The following RETSAT variants were observed in gnomAD, a reference collection of about 807,000 sequenced individuals.
RETSAT encodes retinol saturase.
In RETSAT, 35 loss-of-function variants were observed where a neutral mutation model predicts 61.6. That is an observed-to-expected ratio of 0.57 (90% confidence interval 0.43 to 0.75). The LOEUF (loss-of-function observed/expected upper bound fraction) is 0.75. RETSAT is among the 30% of genes least tolerant of loss of function. RETSAT has a pLI of 0.00. For missense variants in RETSAT, 670 were observed against 759.5 expected (o/e 0.88, Z 1.38); for synonymous variants, 277 against 310.4 (o/e 0.89, Z 1.13).
At position 85,343,147 on chromosome 2, in the gene RETSAT, T is replaced by C. The variant is rs1483475178; in HGVS notation, c.*95A>G. On this transcript the variant is annotated 3_prime_UTR_variant, in exon 11 of 11. Coordinates refer to ENST00000295802, the MANE Select transcript of RETSAT (RefSeq NM_017750.4). ...ATCAGAACCAAATTAGAGTGCTTTATACGTGCAAGGAACTAATGCAGAAAG... is the reference window on the plus strand; with the variant it reads ...ATCAGAACCAAATTAGAGTGCTTTACACGTGCAAGGAACTAATGCAGAAAG... 5.9e-6 allele frequency: 9 copies of C among 1,534,954 alleles called. No individual in the cohort carries two copies. The highest frequency in any genetic ancestry group is 8.0e-6 in the Non-Finnish European group (9 of 1,126,680).
At chr2:85,351,528 G>A in intron 2 of RETSAT, 152 bp downstream of exon 2, 2 of 746,776 alleles carry the variant, frequency 2.7e-6, no homozygotes, top group Non-Finnish European at 4.3e-6. Flanking sequence ...GATGAAGTGA[G>A]ACTCTGTCTG....
At chr2:85,350,684 C>T in intron 3 of RETSAT, 96 bp downstream of exon 3, 15 of 1,422,334 alleles carry the variant, frequency 1.1e-5, no homozygotes, top group Non-Finnish European at 1.4e-5. Context: ...TTCCTGCCTC[C>T]CGCACTGCAC....
rs1683111514 is a variant in RETSAT at position 85,342,882 on chromosome 2, C to A, written c.*360G>T. The A allele has an allele frequency of 4.2e-6, 1 of 238,972 alleles. No homozygotes were observed. Among genetic ancestry groups the A allele is most frequent in the East Asian group, 8.9e-5 (1 of 11,266 alleles). The allele number at this position is 238,972 out of a possible 1,614,324, so 14.8% of individuals were successfully genotyped here. A position where few individuals can be genotyped will look rare whatever the true frequency, so the allele number is the denominator to read the frequency against. ...AACTGAACCCACCAGGTTGAGCTGA[C>A]AACACTGCCAGGGGTTCTATCCACA... is the stretch of plus-strand genomic sequence containing the variant. On this transcript the variant is annotated 3_prime_UTR_variant, in exon 11 of 11. Transcript: ENST00000295802.
chr2:85,342,301 CT>C lies in RETSAT; in HGVS notation c.*940del. ...CTTCACACACATTCCGTGGCTTTCCCTTTTCTGATGTGACTTCCCTCCCTTA... is the reference window on the plus strand; with the variant it reads ...CTTCACACACATTCCGTGGCTTTCCCTTTCTGATGTGACTTCCCTCCCTTA... On this transcript the variant is annotated 3_prime_UTR_variant, in exon 11 of 11. Transcript: ENST00000295802. The C allele has an allele frequency of 5.8e-6, 1 of 172,006 alleles. No individual in the cohort carries two copies. The highest frequency in any genetic ancestry group is 1.2e-5 in the Non-Finnish European group (1 of 80,314). The allele number at this position is 172,006 out of a possible 1,614,324, so 10.7% of individuals were successfully genotyped here.
At chr2:85,347,332 C>T (rs188482946) in intron 5 of RETSAT, among the ~76,000 whole-genome samples, 31 of 152,212 alleles carry the variant, frequency 2.0e-4, no homozygotes, top group African/African-American at 7.5e-4. Context: ...CAGGTTCAAG[C>T]AATTCTCCTA....
At chr2:85,349,245 C>T in intron 5 of RETSAT, 139 bp downstream of exon 5, 2 of 751,142 alleles carry the variant, frequency 2.7e-6, no homozygotes, top group Non-Finnish European at 4.4e-6. Flanking sequence ...TATCCCTGGA[C>T]CCTGCTCTGG....
intron 7 of RETSAT, 85 bp from the exon 8 acceptor site, chr2:85,344,433 G>C (rs570266958): frequency 1.0e-5 from 16 of 1,537,260 alleles, no homozygotes; most frequent in Admixed American, 7.0e-5. Flanking sequence ...TATCCCTAGG[G>C]ACTCCCCACA....
chr2:85,354,053 G>A (rs1683376177), intron 1 of RETSAT, among the ~76,000 whole-genome samples: 1 of 152,186 alleles, frequency 6.6e-6, no homozygotes, highest in Non-Finnish European at 1.5e-5. Context: ...AGTTCCACGA[G>A]CCACGGGGAT....
At chr2:85,345,318 C>G (rs190532792) in intron 6 of RETSAT, among the ~76,000 whole-genome samples, 3 of 152,330 alleles carry the variant, frequency 2.0e-5, no homozygotes, top group South Asian at 2.1e-4. Context: ...CTTTACCCCC[C>G]AGCCCGCTCT....
At chr2:85,343,473 A>T (rs1168047703) in intron 10 of RETSAT, 92 bp from the exon 11 acceptor site, 2 of 1,538,932 alleles carry the variant, frequency 1.3e-6, no homozygotes, top group African/African-American at 2.7e-5. Context: ...CATGAGGGCC[A>T]CCCAGAGCTG....
rs565892914 is a variant in RETSAT at position 85,354,511 on chromosome 2, G to A, written c.-4C>T. On this transcript the variant is annotated 5_prime_UTR_variant, in exon 1 of 11. Transcript: ENST00000295802. The stretch of plus-strand genomic sequence containing the variant: ...GCAGCACCAGCGGAAGCCACATCAC[G>A]CCGGCGTCGGGTCGGGTAAATGGGA... The A allele has an allele frequency of 1.2e-6, 2 of 1,604,010 alleles. No homozygotes were observed. Among genetic ancestry groups the A allele is most frequent in the South Asian group, 2.2e-5 (2 of 89,862 alleles).
intron 1 of RETSAT, among the ~76,000 whole-genome samples, chr2:85,353,400 C>T (rs1398282372): frequency 6.6e-6 from 1 of 152,254 alleles, no homozygotes; most frequent in Admixed American, 6.5e-5. Context: ...CGCCACTGCA[C>T]TCTAGCATGG....
chr2:85,343,944 A>G, intron 9 of RETSAT, 55 bp downstream of exon 9: 2 of 1,601,022 alleles, frequency 1.2e-6, no homozygotes. Flanking sequence ...TCTCAAGGAA[A>G]GGGCAGAAAC....
intron 5 of RETSAT, among the ~76,000 whole-genome samples, chr2:85,349,128 G>A (rs552071439): frequency 1.5e-3 from 223 of 151,758 alleles, no homozygotes; most frequent in African/African-American, 5.3e-3. Flanking sequence ...GAGCTCAAGT[G>A]ATCCTCCCAT....
intron 10 of RETSAT, 83 bp from the exon 11 acceptor site, chr2:85,343,464 A>G: frequency 1.9e-6 from 3 of 1,550,738 alleles, no homozygotes; most frequent in Middle Eastern, 2.1e-4. Context: ...TTCCCTCCAC[A>G]TGAGGGCCAC....
chr2:85,352,101 A>C (rs1257599700), intron 1 of RETSAT, among the ~76,000 whole-genome samples: 1 of 152,158 alleles, frequency 6.6e-6, no homozygotes, highest in African/African-American at 2.4e-5. Context: ...ATGGCCCAGG[A>C]TGAAGTGCAG....
chr2:85,344,514 C>A, intron 7 of RETSAT, 80 bp downstream of exon 7: 2 of 1,580,632 alleles, frequency 1.3e-6, no homozygotes, highest in Non-Finnish European at 1.7e-6. Flanking sequence ...CTACTTCCTC[C>A]CATTCCATAA....
chr2:85,341,970 T>C lies in RETSAT; in HGVS notation c.*1272A>G. The C allele has an allele frequency of 1.6e-6, 1 of 612,450 alleles. No homozygotes were observed. The highest frequency in any genetic ancestry group is 2.2e-5 in the South Asian group (1 of 45,750). 37.9% of individuals were successfully genotyped at this position (612,450 alleles called of 1,614,324 possible). On this transcript the variant is annotated 3_prime_UTR_variant, in exon 11 of 11. Coordinates refer to ENST00000295802, the MANE Select transcript of RETSAT (RefSeq NM_017750.4). ...CCACTTTTTGTAACTTTATAATTAC[T>C]TAATTTTATTTTTTTAAAGCTTATT...
At chr2:85,345,720 A>G in intron 6 of RETSAT, 1 of 599,840 alleles carries the variant, frequency 1.7e-6, no homozygotes, top group Non-Finnish European at 3.1e-6. Context: ...AAATCAGACC[A>G]GCTACTCTGC....
Sources: allele counts gnomAD v4.1 joint callset (sites outside exome capture counted in the v4.1 genomes callset), GRCh38; gene constraint gnomAD v4.1.1; transcripts MANE v1.5; gene names NCBI Gene and HGNC (gene_info 2026-07-23, HGNC 2026-07-21).